The following SMAD4 variants were observed in gnomAD, a reference collection of about 807,000 sequenced individuals.
SMAD4 encodes the protein MAD homolog 4.
A neutral mutation model predicts 63.2 loss-of-function variants in SMAD4; 7 were observed. The observed-to-expected ratio is 0.11, with a 90% CI of 0.06 to 0.21. SMAD4 has a LOEUF of 0.21. SMAD4 is among the 10% of genes least tolerant of loss of function. The pLI, the probability that SMAD4 is intolerant of heterozygous loss-of-function variation, is 1.00. For missense variants in SMAD4, 312 were observed against 693.8 expected (o/e 0.45, Z 6.18); for synonymous variants, 215 against 235.4 (o/e 0.91, Z 0.79).
intron 1 of SMAD4, among the ~76,000 whole-genome samples, chr18:51,034,261 T>TC (rs1356651373): frequency 3.6e-4 from 55 of 151,664 alleles, no homozygotes; most frequent in African/African-American, 1.2e-3. Context: ...TTTTTTTTTT[T>TC]CTGAGACGGA....
chr18:51,071,592 C>G (rs1439843953), intron 10 of SMAD4, among the ~76,000 whole-genome samples: 1 of 152,154 alleles, frequency 6.6e-6, no homozygotes, highest in Non-Finnish European at 1.5e-5. Flanking sequence ...CTGGGCGTTT[C>G]AAGTTTTTAA....
At chr18:51,074,331 A>G (rs187262255) in intron 10 of SMAD4, among the ~76,000 whole-genome samples, 1 of 152,234 alleles carries the variant, frequency 6.6e-6, no homozygotes, top group African/African-American at 2.4e-5. Flanking sequence ...CTTGGGCAAC[A>G]TAGCAAGACC....
rs775498596 is a variant in SMAD4, at chr18:51,058,109, C to A, written c.668-16C>A. 1.9e-6 allele frequency: 3 copies of A among 1,613,844 alleles called. No homozygotes were observed. Among genetic ancestry groups the A allele is most frequent in the Non-Finnish European group, 2.5e-6 (3 of 1,179,816 alleles). ...ATCTATGAATGTACCATGTTAATGT[C>A]TTCTTGTTCCTCTAGGTCAGCCTGC... On this transcript the variant is annotated splice_polypyrimidine_tract_variant and intron_variant, in intron 5 of 11. Transcript: ENST00000342988.
At chr18:51,040,152 G>A (rs1909331079) in intron 1 of SMAD4, among the ~76,000 whole-genome samples, 1 of 152,058 alleles carries the variant, frequency 6.6e-6, no homozygotes, top group South Asian at 2.1e-4. Context: ...TTTGCGCCGG[G>A]CATGGTGGCT....
intron 1 of SMAD4, among the ~76,000 whole-genome samples, chr18:51,039,609 C>T (rs1874286724): frequency 6.6e-6 from 1 of 151,174 alleles, no homozygotes; most frequent in South Asian, 2.1e-4. Flanking sequence ...TCTGGTTAGT[C>T]TGGGAATTGT....
chr18:51,082,688 G>T lies in SMAD4; in HGVS notation c.*4221G>T, dbSNP rs150556996. On this transcript the variant is annotated 3_prime_UTR_variant, in exon 12 of 12. Transcript: ENST00000342988. ...CTTCTAAAACAGACAGGACTGTGTTGCCTTTACTAAATGGTCTGAGACAGC... is the reference window on the plus strand; with the variant it reads ...CTTCTAAAACAGACAGGACTGTGTTTCCTTTACTAAATGGTCTGAGACAGC... 111 of 230,404 alleles carry T rather than the reference G, an allele frequency of 4.8e-4. No individual in the cohort carries two copies. The highest frequency in any genetic ancestry group is 2.4e-3 in the African/African-American group (106 of 44,954). 14.3% of individuals were successfully genotyped at this position (230,404 alleles called of 1,614,324 possible).
In SMAD4 at chr18:51,083,550, G is replaced by C; in HGVS notation, c.*5083G>C. The C allele has an allele frequency of 4.4e-6, 1 of 226,202 alleles. No homozygotes were observed. The highest frequency in any genetic ancestry group is 8.8e-6 in the Non-Finnish European group (1 of 113,980). 14.0% of individuals were successfully genotyped at this position (226,202 alleles called of 1,614,324 possible). A position where few individuals can be genotyped will look rare whatever the true frequency, so the allele number is the denominator to read the frequency against. On this transcript the variant is annotated 3_prime_UTR_variant, in exon 12 of 12. Transcript: ENST00000342988. ...TGTTGATGTGGATACTTTTCACACC[G>C]TTTATTTAAATGCTTTCTCAATAGG...
chr18:51,037,397 T>G (rs1435755657), intron 1 of SMAD4, among the ~76,000 whole-genome samples: 2 of 152,140 alleles, frequency 1.3e-5, no homozygotes, highest in Non-Finnish European at 2.9e-5. Flanking sequence ...TGAGGACATT[T>G]GTATGGGTGG....
chr18:51,078,624 C>T lies in SMAD4; in HGVS notation c.*157C>T. The T allele has an allele frequency of 1.6e-6, 1 of 626,798 alleles. No individual in the cohort carries two copies. The highest frequency in any genetic ancestry group is 1.8e-5 in the African/African-American group (1 of 54,616). The allele number at this position is 626,798 out of a possible 1,614,324, so 38.8% of individuals were successfully genotyped here. A position where few individuals can be genotyped will look rare whatever the true frequency, so the allele number is the denominator to read the frequency against. On this transcript the variant is annotated 3_prime_UTR_variant, in exon 12 of 12. Transcript: ENST00000342988. ...CTGCCTTGCTCCTAGCAGACAGAAA[C>T]TGGATTAAAACAATTTTTTTTTTCC...
chr18:51,048,238 G>C (rs1909604067), intron 2 of SMAD4, among the ~76,000 whole-genome samples: 1 of 152,102 alleles, frequency 6.6e-6, no homozygotes, highest in African/African-American at 2.4e-5. Context: ...GCTCACTGCA[G>C]CCTTGACCTA....
chr18:51,078,933 C>G lies in SMAD4; in HGVS notation c.*466C>G, dbSNP rs941195963. ...TGAACATACTTCAAAAATAATGTGC[C>G]ATGTGGGTGAGTTAATTTTACCAAG... On this transcript the variant is annotated 3_prime_UTR_variant, in exon 12 of 12. Coordinates refer to ENST00000342988, the MANE Select transcript of SMAD4 (RefSeq NM_005359.6). 1.3e-5 allele frequency: 3 copies of G among 236,116 alleles called. No individual in the cohort carries two copies. Among genetic ancestry groups the G allele is most frequent in the African/African-American group, 6.6e-5 (3 of 45,438 alleles). 14.6% of individuals were successfully genotyped at this position (236,116 alleles called of 1,614,324 possible).
In SMAD4 at chr18:51,061,534, A is replaced by T. The variant is rs1568206990; in HGVS notation, c.955+1618A>T. 6.6e-5 allele frequency among the ~76,000 whole-genome samples: 10 copies of T among 152,104 alleles called. No individual in the cohort carries two copies. In the South Asian group the frequency reaches 2.1e-3, roughly 32 times the overall value. ...ATGTTGTCTCAAGTGACTGAATCGCATTTTTTTTATGGCTGAATAGTACTC... is the reference window on the plus strand; with the variant it reads ...ATGTTGTCTCAAGTGACTGAATCGCTTTTTTTTTATGGCTGAATAGTACTC... On this transcript the variant is annotated intron_variant, in intron 8 of 11. Transcript: ENST00000342988.
At chr18:51,031,576 C>G (rs919931904) in intron 1 of SMAD4, among the ~76,000 whole-genome samples, 3 of 152,122 alleles carry the variant, frequency 2.0e-5, no homozygotes, top group African/African-American at 7.2e-5. Context: ...CGGAATTACC[C>G]TGAATTGACT....
chr18:51,056,620 C>CAAAAA (rs74178610), intron 5 of SMAD4, among the ~76,000 whole-genome samples: 1 of 59,318 alleles, frequency 1.7e-5, no homozygotes, highest in Non-Finnish European at 3.1e-5. Context: ...ACTCCATCTC[C>CAAAAA]AAAAAAAAAA....
intron 7 of SMAD4, 77 bp from the exon 8 acceptor site, chr18:51,059,789 A>G: frequency 1.9e-6 from 2 of 1,045,426 alleles, no homozygotes; most frequent in East Asian, 2.4e-5. Flanking sequence ...GTTATATTTA[A>G]GTAAGATTTA....
At chr18:51,039,256 G>A (rs750198610) in intron 1 of SMAD4, among the ~76,000 whole-genome samples, 3 of 152,134 alleles carry the variant, frequency 2.0e-5, no homozygotes, top group Admixed American at 6.5e-5. Flanking sequence ...TTCTAAGGAC[G>A]TTAGTCATTC....
intron 4 of SMAD4, chr18:51,054,526 G>T: frequency 4.3e-6 from 2 of 461,960 alleles, no homozygotes; most frequent in South Asian, 2.4e-5. Context: ...GCTGGAGGCT[G>T]TTGAAACATA....
At position 51,084,100 on chromosome 18, in the gene SMAD4, A is replaced by G. The variant is rs1013272782; in HGVS notation, c.*5633A>G. 3.2e-5 allele frequency: 7 copies of G among 217,316 alleles called. No homozygotes were observed. The highest frequency in any genetic ancestry group is 2.4e-4 in the East Asian group (4 of 16,394). 13.5% of individuals were successfully genotyped at this position (217,316 alleles called of 1,614,324 possible). ...ATTCTAGCTTTTGAATTGCGTGCACACACACACGCACGCACACACTCTGGT... is the reference window on the plus strand; with the variant it reads ...ATTCTAGCTTTTGAATTGCGTGCACGCACACACGCACGCACACACTCTGGT... On this transcript the variant is annotated 3_prime_UTR_variant, in exon 12 of 12. Transcript: ENST00000342988.
Position 51,069,049 on chromosome 18 carries a change from A to G in SMAD4, c.1308+1862A>G, listed in dbSNP as rs147827838. Reference sequence around the variant, plus strand: ...TGGTATGTATAATGGAATTGTCTCTATGAGGTGGAAATTATTTGTATTTTG... The same window carrying G: ...TGGTATGTATAATGGAATTGTCTCTGTGAGGTGGAAATTATTTGTATTTTG... On this transcript the variant is annotated intron_variant, in intron 10 of 11. Transcript: ENST00000342988. Among the ~76,000 whole-genome samples the G allele has an allele frequency of 3.3e-4, 51 of 152,306 alleles. No homozygotes were observed. In the East Asian group the frequency reaches 7.9e-3, roughly 24 times the overall value.
Sources: allele counts gnomAD v4.1 joint callset (sites outside exome capture counted in the v4.1 genomes callset), GRCh38; gene constraint gnomAD v4.1.1; transcripts MANE v1.5; gene names NCBI Gene and HGNC (gene_info 2026-07-23, HGNC 2026-07-21).